Variants in PPFIBP1 observed in about 807,000 individuals in gnomAD.
PPFIBP1 encodes the protein PPFIB scaffold protein 1.
Under a neutral mutation model 137.8 loss-of-function variants are expected in PPFIBP1, and 112 were observed. The observed-to-expected ratio is 0.81, with a 90% CI of 0.70 to 0.95. The LOEUF (loss-of-function observed/expected upper bound fraction) is 0.95, where lower values mean the gene tolerates loss of function less well. Among genes scored for constraint, PPFIBP1 ranks in the 40% least tolerant of loss-of-function variants. The probability of loss-of-function intolerance (pLI) is 0.00; values close to 1 mark genes in which losing one functional copy is unlikely to be tolerated. For missense variants in PPFIBP1, 1,083 were observed against 1,196.6 expected (o/e 0.91, Z 1.40); for synonymous variants, 378 against 417.3 (o/e 0.91, Z 1.15).
At chr12:27,662,534 G>A (rs2059615794) in intron 11 of PPFIBP1, among the ~76,000 whole-genome samples, 1 of 152,200 alleles carries the variant, frequency 6.6e-6, no homozygotes, top group Non-Finnish European at 1.5e-5. Context: ...AAGTGATAAG[G>A]TGGGAAGAGC....
intron 2 of PPFIBP1, chr12:27,594,113 G>GT (rs1302654910): frequency 5.7e-6 from 5 of 884,032 alleles, no homozygotes; most frequent in Middle Eastern, 2.6e-4. Flanking sequence ...GAAAAAGTAG[G>GT]TGGGACCGGG....
At chr12:27,652,018 C>T (rs187434750) in intron 7 of PPFIBP1, among the ~76,000 whole-genome samples, 2 of 151,938 alleles carry the variant, frequency 1.3e-5, no homozygotes, top group African/African-American at 4.8e-5. Context: ...TGCACAGACC[C>T]GGAGATTAGA....
chr12:27,686,127 A>G (rs190721124), intron 24 of PPFIBP1, among the ~76,000 whole-genome samples: 175 of 152,326 alleles, frequency 1.1e-3, no homozygotes, highest in African/African-American at 3.5e-3. Flanking sequence ...TCTTTCTAAC[A>G]TGTCTTAAGA....
intron 11 of PPFIBP1, among the ~76,000 whole-genome samples, chr12:27,663,260 T>C (rs373343939): frequency 6.6e-6 from 1 of 152,144 alleles, no homozygotes; most frequent in African/African-American, 2.4e-5. Context: ...TGATATCTCT[T>C]TGGCCAAAGC....
At chr12:27,655,386 A>G (rs1299181757) in intron 8 of PPFIBP1, among the ~76,000 whole-genome samples, 4 of 152,210 alleles carry the variant, frequency 2.6e-5, no homozygotes, top group Admixed American at 6.5e-5. Flanking sequence ...TGAAGGGACA[A>G]TGGGATCCCT....
intron 1 of PPFIBP1, among the ~76,000 whole-genome samples, chr12:27,529,756 C>T (rs1016698309): frequency 3.3e-5 from 5 of 152,210 alleles, no homozygotes; most frequent in African/African-American, 1.2e-4. Context: ...TAGCTGAACT[C>T]TTAAGAAGTG....
intron 27 of PPFIBP1, among the ~76,000 whole-genome samples, chr12:27,691,148 C>T (rs1209511593): frequency 6.7e-6 from 1 of 148,688 alleles, no homozygotes; most frequent in Non-Finnish European, 1.5e-5. Flanking sequence ...GCAGAATAGG[C>T]ATACAAGATA....
chr12:27,612,672 C>G (rs1225301010), intron 2 of PPFIBP1, among the ~76,000 whole-genome samples: 1 of 152,000 alleles, frequency 6.6e-6, no homozygotes, highest in Non-Finnish European at 1.5e-5. Flanking sequence ...AAAACTCACC[C>G]CACTCCCTGT....
At chr12:27,597,145 A>G (rs2053410641) in intron 2 of PPFIBP1, among the ~76,000 whole-genome samples, 1 of 152,240 alleles carries the variant, frequency 6.6e-6, no homozygotes, top group African/African-American at 2.4e-5. Flanking sequence ...GGGGCAGGCC[A>G]AAATGAGATT....
chr12:27,672,358 G>C (rs371635296), intron 14 of PPFIBP1, 69 bp from the exon 15 acceptor site: 1 of 1,259,494 alleles, frequency 7.9e-7, no homozygotes, highest in African/African-American at 1.5e-5. Context: ...TGACTTATCT[G>C]TTCACTTAGA....
intron 1 of PPFIBP1, among the ~76,000 whole-genome samples, chr12:27,566,352 A>G (rs2049670069): frequency 1.3e-5 from 2 of 150,762 alleles, no homozygotes; most frequent in Admixed American, 6.6e-5. Context: ...CTGTGATTGT[A>G]TTCCAGGACA....
Position 27,687,492 on chromosome 12 carries a change from G to A in PPFIBP1, c.2355G>A (p.Arg785=). ...INNFEPNCLR[R]RPSDENTIAP... ...ACTTTGAACCAAACTGTCTACGGAG[G>A]CGGCCATCTGATGAGGTAGTGTTTT... Residue 785 remains arginine (R), a synonymous_variant, in exon 25 of 30, where the codon AGG becomes AGA. Coordinates refer to ENST00000228425, the MANE Select transcript of PPFIBP1 (RefSeq NM_003622.4). 6.2e-7 allele frequency: 1 copy of A among 1,613,802 alleles called. No homozygotes were observed. The highest frequency in any genetic ancestry group is 8.5e-7 in the Non-Finnish European group (1 of 1,179,800).
At chr12:27,608,304 A>AT in intron 2 of PPFIBP1, among the ~76,000 whole-genome samples, 1 of 152,232 alleles carries the variant, frequency 6.6e-6, no homozygotes, top group African/African-American at 2.4e-5. Flanking sequence ...AAAGAGTAGT[A>AT]TTTTTTAGGA....
At chr12:27,607,938 G>A (rs1001802409) in intron 2 of PPFIBP1, among the ~76,000 whole-genome samples, 2 of 33,928 alleles carry the variant, frequency 5.9e-5, no homozygotes, top group African/African-American at 2.0e-4. Context: ...TCCTAATTGA[G>A]GTTTTTATTG....
Position 27,681,673 on chromosome 12 carries a change from G to T in PPFIBP1, c.2023G>T (p.Ala675Ser). The T allele has an allele frequency of 6.2e-7, 1 of 1,614,134 alleles. No homozygotes were observed. Among genetic ancestry groups the T allele is most frequent in the Non-Finnish European group, 8.5e-7 (1 of 1,179,998 alleles). The change falls in exon 22 of 30, where the codon GCT (alanine) becomes TCT (serine). Residue 675 changes from alanine (A) to serine (S), a missense_variant. Ala to Ser is a moderately conservative substitution (Grantham distance 99). Coordinates refer to ENST00000228425, the MANE Select transcript of PPFIBP1 (RefSeq NM_003622.4). ...TGCATCTGGCCAAACGCTTTTGCAG[G>T]CTTCTCAACAAGATCTAGAGAAGGT... ...WIASGQTLLQ[A>S]SQQDLEKELG...
At chr12:27,680,205 C>A in intron 21 of PPFIBP1, 144 bp downstream of exon 21, 2 of 1,190,676 alleles carry the variant, frequency 1.7e-6, no homozygotes, top group South Asian at 1.7e-5. Flanking sequence ...TCTTTAGAGC[C>A]GTGCAATTTG....
chr12:27,644,101 G>A (rs2058298490), intron 4 of PPFIBP1, among the ~76,000 whole-genome samples: 1 of 152,074 alleles, frequency 6.6e-6, no homozygotes, highest in Admixed American at 6.6e-5. Context: ...TCTTAAGACA[G>A]AGTCTTGCTT....
intron 13 of PPFIBP1, among the ~76,000 whole-genome samples, chr12:27,670,210 T>C (rs2162029): frequency 1 from 152,068 of 152,310 alleles, 75,914 homozygotes; most frequent in Middle Eastern, 1. Context: ...TATTGAAAAC[T>C]GAAGTATTAA....
At chr12:27,667,085 A>G (rs2059904622) in intron 12 of PPFIBP1, 81 bp from the exon 13 acceptor site, 1 of 1,340,986 alleles carries the variant, frequency 7.5e-7, no homozygotes, top group Non-Finnish European at 9.8e-7. Context: ...ATTCGTTATA[A>G]TTGGGATTCT....
Sources: allele counts gnomAD v4.1 joint callset (sites outside exome capture counted in the v4.1 genomes callset), GRCh38; gene constraint gnomAD v4.1.1; transcripts MANE v1.5; gene names NCBI Gene and HGNC (gene_info 2026-07-23, HGNC 2026-07-21).